FNDC9: variants seen among roughly 807,000 people sequenced by gnomAD.
The protein encoded by FNDC9 is fibronectin type III domain-containing protein 9.
Under a neutral mutation model 9.0 loss-of-function variants are expected in FNDC9, and 3 were observed. The observed-to-expected ratio is 0.33, with a 90% CI of 0.15 to 0.86. The LOEUF (loss-of-function observed/expected upper bound fraction) is 0.86. FNDC9 is among the 40% of genes least tolerant of loss of function. The pLI, the probability that FNDC9 is intolerant of heterozygous loss-of-function variation, is 0.53. For missense variants in FNDC9, 279 were observed against 287.2 expected, an observed-to-expected ratio of 0.97 and a Z score of 0.21; for synonymous variants, 114 against 115.6, an observed-to-expected ratio of 0.99 and a Z score of 0.09.
chr5:157,344,038 C>CT (rs909008525), intron 1 of FNDC9, among the ~76,000 whole-genome samples: 1 of 152,056 alleles, frequency 6.6e-6, no homozygotes, highest in Non-Finnish European at 1.5e-5. Flanking sequence ...CTGCCCACTG[C>CT]TTTTTTTAGC....
At chr5:157,344,010 T>C (rs1762494944) in intron 1 of FNDC9, among the ~76,000 whole-genome samples, 1 of 152,188 alleles carries the variant, frequency 6.6e-6, no homozygotes, top group African/African-American at 2.4e-5. Flanking sequence ...TACTGTGAGC[T>C]CAGTGATCTA....
In FNDC9 at chr5:157,344,686, T is replaced by C. The variant is rs182296224; in HGVS notation, c.-8+855A>G. Among the ~76,000 whole-genome samples the C allele has an allele frequency of 2.5e-3, 374 of 152,324 alleles. 2 individuals are homozygous for C. Among genetic ancestry groups the C allele is most frequent in the African/African-American group, 8.5e-3 (352 of 41,564 alleles). On this transcript the variant is annotated intron_variant, in intron 1 of 1. Coordinates refer to ENST00000312349, the MANE Select transcript of FNDC9 (RefSeq NM_001001343.4). ...CATAGTCAGCCTACGCATATTCACA[T>C]AACAGTCTCACCCTGCTTTGTCTTC...
chr5:157,342,980 T>C lies in FNDC9; in HGVS notation c.557A>G (p.Lys186Arg). 2 of 1,614,250 alleles carry C rather than the reference T, an allele frequency of 1.2e-6. No individual in the cohort carries two copies. Among genetic ancestry groups the C allele is most frequent in the Admixed American group, 1.7e-5 (1 of 60,034 alleles). The change falls in exon 2 of 2, where the codon AAG becomes AGG. Residue 186 changes from lysine (K) to arginine (R), a missense_variant. Transcript: ENST00000312349. ...CAGTTCAGCTCCATCTCTGGAGTTC[T>C]TGCGTGGCATTTCCACCAGGGGGAG... ...QGLPLVEMPR[K>R]NSRDGAELDP...
In FNDC9 at chr5:157,343,044, C is replaced by T. The variant is rs1762399393; in HGVS notation, c.493G>A (p.Ala165Thr). Reference protein sequence around the residue: ...ANGLVRWPEEAPDLGQREEDL... With the variant: ...ANGLVRWPEETPDLGQREEDL... Reference sequence around the variant, plus strand: ...TCCTCCCTCTGACCAAGATCCGGGGCCTCCTCTGGCCATCTCACCAACCCA... The same window carrying T: ...TCCTCCCTCTGACCAAGATCCGGGGTCTCCTCTGGCCATCTCACCAACCCA... Residue 165 changes from alanine (A) to threonine (T), a missense_variant, in exon 2 of 2, where the codon GCC (alanine) becomes ACC (threonine). By Grantham distance (58) the Ala-to-Thr change is moderately conservative. Transcript: ENST00000312349. 2 of 1,614,184 alleles carry T rather than the reference C, an allele frequency of 1.2e-6. No individual in the cohort carries two copies. The highest frequency in any genetic ancestry group is 1.7e-6 in the Non-Finnish European group (2 of 1,179,998).
chr5:157,342,680 C>G lies in FNDC9; in HGVS notation c.*182G>C. ...TGCCTCGTTTGTGCCTTGGCATACC[C>G]TGGGGGATACATTTTCCAGCTTGAG... On this transcript the variant is annotated 3_prime_UTR_variant, in exon 2 of 2. Transcript: ENST00000312349. 1 of 601,318 alleles carries G rather than the reference C, an allele frequency of 1.7e-6. No homozygotes were observed. Among genetic ancestry groups the G allele is most frequent in the Non-Finnish European group, 2.8e-6 (1 of 355,332 alleles). The allele number at this position is 601,318 out of a possible 1,614,324, so 37.2% of individuals were successfully genotyped here.
In FNDC9 at chr5:157,343,147, G is replaced by A. The variant is rs1554115760; in HGVS notation, c.390C>T (p.Phe130=). 1 of 1,614,120 alleles carries A rather than the reference G, an allele frequency of 6.2e-7. No individual in the cohort carries two copies. Among genetic ancestry groups the A allele is most frequent in the Non-Finnish European group, 8.5e-7 (1 of 1,180,048 alleles). The part of the protein sequence containing the change: ...LLACFTAVLA[F]ICLQFWCVRC... Reference sequence around the variant, plus strand: ...GGACACACCAGAACTGGAGGCAGATGAAGGCCAAGACGGCTGTGAAGCAGG... The same window carrying A: ...GGACACACCAGAACTGGAGGCAGATAAAGGCCAAGACGGCTGTGAAGCAGG... Residue 130 remains phenylalanine, a synonymous_variant, in exon 2 of 2, where the codon TTC becomes TTT. Transcript: ENST00000312349.
rs1561747866 is a variant in FNDC9 at position 157,343,218 on chromosome 5, C to T, written c.319G>A (p.Val107Ile). 1.2e-6 allele frequency: 2 copies of T among 1,614,138 alleles called. No individual in the cohort carries two copies. Among genetic ancestry groups the T allele is most frequent in the East Asian group, 2.2e-5 (1 of 44,878 alleles). ...KSPLAPGSSL[V>I]DPQISLWVLM... ...ACCCAAAGGGAGATCTGGGGGTCTACCAGGGAGCTTCCAGGAGCCAGCGGA... is the reference window on the plus strand; with the variant it reads ...ACCCAAAGGGAGATCTGGGGGTCTATCAGGGAGCTTCCAGGAGCCAGCGGA... Residue 107 changes from valine (V) to isoleucine (I), a missense_variant, in exon 2 of 2, where the codon GTA becomes ATA. Val to Ile is a conservative substitution (Grantham distance 29, BLOSUM62 3). Transcript: ENST00000312349.
At position 157,343,283 on chromosome 5, in the gene FNDC9, T is replaced by A. The variant is rs202138440; in HGVS notation, c.254A>T (p.Tyr85Phe). 1 of 1,613,942 alleles carries A rather than the reference T, an allele frequency of 6.2e-7. No individual in the cohort carries two copies. Among genetic ancestry groups the A allele is most frequent in the Non-Finnish European group, 8.5e-7 (1 of 1,179,994 alleles). ...CISCKKAAFPYRHYCTMFHTL... is the reference protein window; with the variant it reads ...CISCKKAAFPFRHYCTMFHTL... ...GTGGAACATGGTGCAGTAGTGCCTG[T>A]AAGGGAAGGCAGCCTTCTTACAGCT... Residue 85 changes from tyrosine (Y) to phenylalanine (F), a missense_variant, in exon 2 of 2, where the codon TAC becomes TTC. Coordinates refer to ENST00000312349, the MANE Select transcript of FNDC9 (RefSeq NM_001001343.4).
rs368561224 is a variant in FNDC9, at chr5:157,343,377, C to G, written c.160G>C (p.Val54Leu). The G allele has an allele frequency of 9.9e-6, 16 of 1,614,060 alleles. No individual in the cohort carries two copies. In the East Asian group the frequency reaches 3.6e-4, roughly 36 times the overall value. ...LRYSFHHEEK[V>L]PRTISSVVLE... ...ACCACGGAGCTGATCGTTCGAGGCA[C>G]CTTCTCCTCGTGGTGGAAGCTGTAG... The change falls in exon 2 of 2, where the codon GTG (valine) becomes CTG (leucine). Residue 54 changes from valine to leucine, a missense_variant. Coordinates refer to ENST00000312349, the MANE Select transcript of FNDC9 (RefSeq NM_001001343.4).
Position 157,343,003 on chromosome 5 carries a change from G to C in FNDC9, c.534C>G (p.Leu178=), listed in dbSNP as rs760704939. 1 of 1,614,196 alleles carries C rather than the reference G, an allele frequency of 6.2e-7. No homozygotes were observed. Among genetic ancestry groups the C allele is most frequent in the Admixed American group, 1.7e-5 (1 of 60,026 alleles). ...TCTTGCGTGGCATTTCCACCAGGGG[G>C]AGCCCCTGCAGGTCTTCCTCCCTCT... ...LGQREEDLQG[L]PLVEMPRKNS... Residue 178 remains leucine (L), a synonymous_variant, in exon 2 of 2, where the codon CTC becomes CTG. Coordinates refer to ENST00000312349, the MANE Select transcript of FNDC9 (RefSeq NM_001001343.4).
At chr5:157,344,277 G>A (rs1373502243) in intron 1 of FNDC9, among the ~76,000 whole-genome samples, 3 of 152,156 alleles carry the variant, frequency 2.0e-5, no homozygotes, top group Non-Finnish European at 2.9e-5. Flanking sequence ...ACCACTCACA[G>A]TAAGTGGTTG....
rs771510769 is a variant in FNDC9, at chr5:157,342,838, A to C, written c.*24T>G. On this transcript the variant is annotated 3_prime_UTR_variant, in exon 2 of 2. Transcript: ENST00000312349. ...TGTGTGGAAAGCTTTAGGCTACATG[A>C]TGCGGGCGCTCTCCTCCCCACTCTC... The C allele has an allele frequency of 6.3e-7, 1 of 1,590,192 alleles. No homozygotes were observed. Among genetic ancestry groups the C allele is most frequent in the South Asian group, 1.1e-5 (1 of 87,706 alleles).
chr5:157,345,187 A>G lies in FNDC9; in HGVS notation c.-8+354T>C, dbSNP rs571290262. Among the ~76,000 whole-genome samples the G allele has an allele frequency of 2.0e-5, 3 of 152,334 alleles. No homozygotes were observed. The East Asian group carries it at 5.8e-4, about 29-fold the overall frequency. On this transcript the variant is annotated intron_variant, in intron 1 of 1. Coordinates refer to ENST00000312349, the MANE Select transcript of FNDC9 (RefSeq NM_001001343.4). ...CACTATAAATACACTTTCGACCACG[A>G]TGAAAAGAGCTTAATTCATTATAGG... is the stretch of plus-strand genomic sequence containing the variant.
intron 1 of FNDC9, among the ~76,000 whole-genome samples, chr5:157,344,506 C>G (rs533583418): frequency 3.3e-5 from 5 of 152,182 alleles, no homozygotes. Flanking sequence ...GGTGCCAGGA[C>G]TGAGACCCAG....
chr5:157,344,063 GC>G (rs1762499539), intron 1 of FNDC9, among the ~76,000 whole-genome samples: 1 of 152,006 alleles, frequency 6.6e-6, no homozygotes, highest in Admixed American at 6.5e-5. Flanking sequence ...TGGTTCTGTT[GC>G]CCATGGTGAG....
At chr5:157,343,702 T>C (rs964850593) in intron 1 of FNDC9, among the ~76,000 whole-genome samples, 159 bp from the exon 2 acceptor site, 4 of 152,076 alleles carry the variant, frequency 2.6e-5, no homozygotes, top group African/African-American at 9.7e-5. Flanking sequence ...TATTTAGGCA[T>C]AGCGAAAAAG....
At position 157,341,914 on chromosome 5, in the gene FNDC9, A is replaced by G. The variant is rs1410731878; in HGVS notation, c.*948T>C. 1 of 152,276 alleles carries G rather than the reference A, an allele frequency of 6.6e-6. No individual in the cohort carries two copies. The highest frequency in any genetic ancestry group is 1.5e-5 in the Non-Finnish European group (1 of 68,062). The allele number at this position is 152,276 out of a possible 1,614,324, so 9.4% of individuals were successfully genotyped here. On this transcript the variant is annotated 3_prime_UTR_variant, in exon 2 of 2. Coordinates refer to ENST00000312349, the MANE Select transcript of FNDC9 (RefSeq NM_001001343.4). ...AAATCAAGGGAAGCTGACTGACAGC[A>G]TTTGAGGTGGTTCACAGACATGGCA...
rs200489390 is a variant in FNDC9 at position 157,342,902 on chromosome 5, C to A, written c.635G>T (p.Gly212Val). The A allele has an allele frequency of 6.2e-7, 1 of 1,613,142 alleles. No individual in the cohort carries two copies. The highest frequency in any genetic ancestry group is 1.3e-5 in the African/African-American group (1 of 75,032). ...AGGCAGTATAGCGGGTGGGTCACCA[C>A]CCCCCCTCTGTAAGGCACCCGCATC... ...APDAGALQRG[G>V]GDPPAILPHC... Residue 212 changes from glycine (G) to valine (V), a missense_variant, in exon 2 of 2, where the codon GGT becomes GTT. Gly to Val is a moderately radical substitution (Grantham distance 109, BLOSUM62 -3). Coordinates refer to ENST00000312349, the MANE Select transcript of FNDC9 (RefSeq NM_001001343.4).
intron 1 of FNDC9, 150 bp from the exon 2 acceptor site, chr5:157,343,693 A>G: frequency 1.4e-6 from 1 of 694,078 alleles, no homozygotes; most frequent in Non-Finnish European, 2.3e-6. Context: ...AGGTTCTGTT[A>G]TTTAGGCATA....
Sources: gnomAD v4.1 joint callset for allele counts (sites outside exome capture counted in the v4.1 genomes callset) on GRCh38, gnomAD v4.1.1 for gene constraint, MANE v1.5 for transcripts, NCBI Gene and HGNC (gene_info 2026-07-23, HGNC 2026-07-21) for gene names.